Variants in KCNJ6 observed in about 807,000 individuals in gnomAD.
KCNJ6 encodes G protein-activated inward rectifier potassium channel 2.
KCNJ6 carries 9 observed loss-of-function variants against 34.2 expected under a neutral mutation model. That is an observed-to-expected ratio of 0.26 (90% confidence interval 0.16 to 0.46). The LOEUF (loss-of-function observed/expected upper bound fraction) is 0.46. Ranked by LOEUF, KCNJ6 falls within the 20% of genes least tolerant of loss-of-function variation. The probability of loss-of-function intolerance (pLI) is 1.00; values close to 1 mark genes in which losing one functional copy is unlikely to be tolerated. For missense variants in KCNJ6, 236 were observed against 531.3 expected (o/e 0.44, Z 5.46); for synonymous variants, 196 against 207.1 (o/e 0.95, Z 0.46).
Position 37,615,615 on chromosome 21 carries a change from A to G in KCNJ6, c.*9544T>C, listed in dbSNP as rs2054264086. The G allele has an allele frequency of 6.6e-6, 1 of 152,216 alleles. No homozygotes were observed. Among genetic ancestry groups the G allele is most frequent in the Admixed American group, 6.5e-5 (1 of 15,284 alleles). The allele number at this position is 152,216 out of a possible 1,614,324, so 9.4% of individuals were successfully genotyped here. A position where few individuals can be genotyped will look rare whatever the true frequency, so the allele number is the denominator to read the frequency against. On this transcript the variant is annotated 3_prime_UTR_variant, in exon 4 of 4. Transcript: ENST00000609713. ...AGCCAGATGGAAAATGGCAAGTTCA[A>G]GAAGAAATAGTATTCTGGAACTTTG...
intron 3 of KCNJ6, among the ~76,000 whole-genome samples, chr21:37,628,254 T>C (rs2054319490): frequency 6.6e-6 from 1 of 152,126 alleles, no homozygotes; most frequent in African/African-American, 2.4e-5. Context: ...ATTTGAAATA[T>C]GTTCAAAGAA....
In KCNJ6 at chr21:37,845,975, T is replaced by G. The variant is rs190021281; in HGVS notation, c.-27-5266A>C. ...AAGGCATTCATAGACACATCAAACG[T>G]TTGGGGTAATCATGATGATATATTT... is the stretch of plus-strand genomic sequence containing the variant. On this transcript the variant is annotated intron_variant, in intron 1 of 3. Transcript: ENST00000609713. Among the ~76,000 whole-genome samples, 24 of 152,222 alleles carry G rather than the reference T, an allele frequency of 1.6e-4. No homozygotes were observed. The East Asian group carries it at 4.6e-3, about 29-fold the overall frequency.
intron 3 of KCNJ6, among the ~76,000 whole-genome samples, chr21:37,631,485 A>C (rs1216868952): frequency 1.3e-5 from 2 of 152,174 alleles, no homozygotes; most frequent in Non-Finnish European, 2.9e-5. Context: ...TAACACGCCT[A>C]TTCCTTCCCA....
At chr21:37,824,997 A>G (rs1002405742) in intron 2 of KCNJ6, among the ~76,000 whole-genome samples, 10 of 151,934 alleles carry the variant, frequency 6.6e-5, no homozygotes, top group Admixed American at 1.3e-4. Flanking sequence ...GGCATCTGTA[A>G]GTCTCTGTTC....
intron 1 of KCNJ6, among the ~76,000 whole-genome samples, chr21:37,859,152 A>T (rs546654229): frequency 3.9e-5 from 6 of 152,294 alleles, no homozygotes; most frequent in African/African-American, 1.4e-4. Context: ...ATGGAAAACA[A>T]CTTCAATAAA....
chr21:37,673,241 T>C (rs2054550051), intron 3 of KCNJ6, among the ~76,000 whole-genome samples: 1 of 152,244 alleles, frequency 6.6e-6, no homozygotes, highest in South Asian at 2.1e-4. Flanking sequence ...CTATGGCCGA[T>C]AGGCCCAGGG....
intron 3 of KCNJ6, among the ~76,000 whole-genome samples, chr21:37,671,819 G>A (rs1190311902): frequency 6.6e-6 from 1 of 152,232 alleles, no homozygotes; most frequent in African/African-American, 2.4e-5. Context: ...AGTGTTATCT[G>A]TTGTAAGAGT....
Position 37,609,749 on chromosome 21 carries a change from G to C in KCNJ6, c.*15410C>G, listed in dbSNP as rs1227516589. The stretch of plus-strand genomic sequence containing the variant: ...AGTTTTTGTTTTGTTTTTCTGACTG[G>C]GGCCCTAGGTGCATGCTTTAGGGAG... On this transcript the variant is annotated 3_prime_UTR_variant, in exon 4 of 4. Coordinates refer to ENST00000609713, the MANE Select transcript of KCNJ6 (RefSeq NM_002240.5). 6.6e-6 allele frequency: 1 copy of C among 151,882 alleles called. No homozygotes were observed. The highest frequency in any genetic ancestry group is 2.4e-5 in the African/African-American group (1 of 41,334). 9.4% of individuals were successfully genotyped at this position (151,882 alleles called of 1,614,324 possible).
chr21:37,765,713 G>C (rs1209444473), intron 2 of KCNJ6, among the ~76,000 whole-genome samples: 1 of 152,188 alleles, frequency 6.6e-6, no homozygotes, highest in African/African-American at 2.4e-5. Flanking sequence ...GTGTTTGAAA[G>C]CTATTATATG....
chr21:37,825,006 T>C (rs1302273656), intron 2 of KCNJ6, among the ~76,000 whole-genome samples: 1 of 152,082 alleles, frequency 6.6e-6, no homozygotes, highest in Admixed American at 6.5e-5. Flanking sequence ...AAGTCTCTGT[T>C]CTGTCTGCAT....
chr21:37,664,463 T>C (rs114988972), intron 3 of KCNJ6, among the ~76,000 whole-genome samples: 1 of 151,922 alleles, frequency 6.6e-6, no homozygotes, highest in African/African-American at 2.4e-5. Flanking sequence ...TAAAAAAATA[T>C]ATAATTTAAA....
At chr21:37,789,818 T>A (rs927845603) in intron 2 of KCNJ6, among the ~76,000 whole-genome samples, 1 of 152,212 alleles carries the variant, frequency 6.6e-6, no homozygotes, top group Non-Finnish European at 1.5e-5. Flanking sequence ...TGCAGATAGA[T>A]ATAATTCTCC....
intron 3 of KCNJ6, among the ~76,000 whole-genome samples, chr21:37,669,802 T>C (rs2054533705): frequency 6.6e-6 from 1 of 152,232 alleles, no homozygotes; most frequent in Non-Finnish European, 1.5e-5. Context: ...GAAAATATTT[T>C]CTCCCATTCT....
chr21:37,775,622 TC>T (rs1436761018), intron 2 of KCNJ6, among the ~76,000 whole-genome samples: 1 of 152,172 alleles, frequency 6.6e-6, no homozygotes, highest in Non-Finnish European at 1.5e-5. Flanking sequence ...TTTCCCCATT[TC>T]CTGTTTTTAT....
chr21:37,870,557 A>C (rs2055646011), intron 1 of KCNJ6, among the ~76,000 whole-genome samples: 1 of 150,850 alleles, frequency 6.6e-6, no homozygotes, highest in Non-Finnish European at 1.5e-5. Context: ...TATTTCAGAC[A>C]GTACATTAAA....
chr21:37,909,305 T>A lies in KCNJ6; in HGVS notation c.-28+6579A>T, dbSNP rs74594403. On this transcript the variant is annotated intron_variant, in intron 1 of 3. Coordinates refer to ENST00000609713, the MANE Select transcript of KCNJ6 (RefSeq NM_002240.5). ...AACTGAAGTTAATGCCACATTGCAA[T>A]AAATGAATAAAAACATCTGCTATTT... Among the ~76,000 whole-genome samples, 776 of 152,148 alleles carry A rather than the reference T, an allele frequency of 5.1e-3. 29 individuals carry two copies. The South Asian group carries it at 0.075, about 15-fold the overall frequency.
rs1053070818 is a variant in KCNJ6, at chr21:37,612,467, A to G, written c.*12692T>C. ...TAAATACAATCCCAATAAAAATCTC[A>G]GCAAGTTATTTTGTTGGTACCAAAA... On this transcript the variant is annotated 3_prime_UTR_variant, in exon 4 of 4. Coordinates refer to ENST00000609713, the MANE Select transcript of KCNJ6 (RefSeq NM_002240.5). The G allele has an allele frequency of 1.3e-5, 2 of 152,242 alleles. No individual in the cohort carries two copies. 9.4% of individuals were successfully genotyped at this position (152,242 alleles called of 1,614,324 possible).
At chr21:37,860,779 T>TA (rs985020183) in intron 1 of KCNJ6, among the ~76,000 whole-genome samples, 6 of 152,166 alleles carry the variant, frequency 3.9e-5, no homozygotes, top group African/African-American at 1.4e-4. Flanking sequence ...TCCAAGGCCT[T>TA]CCCTGACACC....
chr21:37,869,293 T>A (rs143026178), intron 1 of KCNJ6, among the ~76,000 whole-genome samples: 1 of 152,384 alleles, frequency 6.6e-6, no homozygotes, highest in Non-Finnish European at 1.5e-5. Context: ...AATACACTAC[T>A]GGCTAACAGT....
Sources: gnomAD v4.1 joint callset for allele counts (sites outside exome capture counted in the v4.1 genomes callset) on GRCh38, gnomAD v4.1.1 for gene constraint, MANE v1.5 for transcripts, NCBI Gene and HGNC (gene_info 2026-07-23, HGNC 2026-07-21) for gene names.